The following RAP1A variants were observed in gnomAD, a reference collection of about 807,000 sequenced individuals.
RAP1A encodes ras-related protein Rap-1A.
A neutral mutation model predicts 26.4 loss-of-function variants in RAP1A; 6 were observed. The ratio of observed to expected loss-of-function variants is 0.23; its 90% CI spans 0.12 to 0.45. RAP1A has a LOEUF of 0.45. Among genes scored for constraint, RAP1A ranks in the 20% least tolerant of loss-of-function variants. The pLI is 0.99. For synonymous variants in RAP1A, 73 were observed against 79.4 expected, an observed-to-expected ratio of 0.92 and a Z score of 0.43; for missense variants, 121 against 217.2, an observed-to-expected ratio of 0.56 and a Z score of 2.78.
intron 4 of RAP1A, among the ~76,000 whole-genome samples, chr1:111,701,940 A>G (rs547804312): frequency 1.6e-3 from 248 of 152,346 alleles, no homozygotes; most frequent in Admixed American, 6.9e-3. Flanking sequence ...CAGTTTTTAC[A>G]TCTTTCCCAG....
chr1:111,579,159 C>G (rs1335041443), intron 1 of RAP1A, among the ~76,000 whole-genome samples: 2 of 152,178 alleles, frequency 1.3e-5, no homozygotes, highest in Non-Finnish European at 2.9e-5. Context: ...TTCAGCAACA[C>G]CCTCCCTCCC....
intron 1 of RAP1A, chr1:111,627,699 G>T (rs759998841): frequency 1.3e-5 from 2 of 151,082 alleles, no homozygotes; most frequent in Non-Finnish European, 2.9e-5. Flanking sequence ...GTCCTGAAAT[G>T]AGTTTCTTTA....
In RAP1A at chr1:111,560,923, T is replaced by C. The variant is rs939482903; in HGVS notation, c.-28+18414T>C. Among the ~76,000 whole-genome samples the C allele has an allele frequency of 2.6e-5, 4 of 152,318 alleles. 1 individual carries two copies. The highest frequency in any genetic ancestry group is 6.5e-5 in the Admixed American group (1 of 15,300). On this transcript the variant is annotated intron_variant, in intron 1 of 7. Coordinates refer to the RAP1A transcript ENST00000356415. ...GTAGCCCAATTTGCTCTTCCTCCTG[T>C]AACAACCGCACCAGATCTCTGGCTG...
At chr1:111,686,236 G>A (rs1341781023) in intron 1 of RAP1A, among the ~76,000 whole-genome samples, 2 of 152,008 alleles carry the variant, frequency 1.3e-5, no homozygotes, top group African/African-American at 4.8e-5. Flanking sequence ...AACAAACCAC[G>A]TTCTGCACAT....
Position 111,664,101 on chromosome 1 carries a change from C to T in RAP1A, c.-27-27233C>T, listed in dbSNP as rs566932176. Among the ~76,000 whole-genome samples the T allele has an allele frequency of 1.5e-4, 23 of 152,170 alleles. No individual in the cohort carries two copies. The South Asian group carries it at 4.4e-3, about 29-fold the overall frequency. ...TTTAAAACCATATATGGGCCAGGCACGGTGGCTCACGCCTGTAATCCCAGC... is the reference window on the plus strand; with the variant it reads ...TTTAAAACCATATATGGGCCAGGCATGGTGGCTCACGCCTGTAATCCCAGC... On this transcript the variant is annotated intron_variant, in intron 1 of 7. Coordinates refer to ENST00000369709, the MANE Select transcript of RAP1A (RefSeq NM_002884.4).
chr1:111,619,881 A>AGGAGGAGGAGGTGGAGGAGGT lies in RAP1A; in HGVS notation c.-72_-52dup. ...GCCACGGCCGAGAGGAGGGAGGAGG[A>AGGAGGAGGAGGTGGAGGAGGT]GGAGGAGGAGGTGGAGGAGGTGGAG... On this transcript the variant is annotated 5_prime_UTR_variant, in exon 1 of 8. Transcript: ENST00000369709. 1 of 258,930 alleles carries AGGAGGAGGAGGTGGAGGAGGT rather than the reference A, an allele frequency of 3.9e-6. No homozygotes were observed. Among genetic ancestry groups the AGGAGGAGGAGGTGGAGGAGGT allele is most frequent in the Non-Finnish European group, 7.1e-6 (1 of 140,206 alleles). 16.0% of individuals were successfully genotyped at this position (258,930 alleles called of 1,614,324 possible).
chr1:111,592,576 G>C (rs1299743827), intron 1 of RAP1A, among the ~76,000 whole-genome samples: 1 of 152,140 alleles, frequency 6.6e-6, no homozygotes, highest in Admixed American at 6.5e-5. Flanking sequence ...ACACAGTTTG[G>C]GTGTGGTTGC....
At chr1:111,619,737 C>A (rs544192446), upstream of RAP1A, 3 of 394,150 alleles carry the variant, frequency 7.6e-6, no homozygotes, top group East Asian at 1.1e-4. Context: ...CGGGGCAGAA[C>A]CAGGGGGCGG....
At chr1:111,602,409 GATTAA>G (rs1658691487) in intron 1 of RAP1A, 2 of 152,170 alleles carry the variant, frequency 1.3e-5, no homozygotes, top group African/African-American at 2.4e-5. Flanking sequence ...TGTAATGGAG[GATTAA>G]ATTAAACTAT....
chr1:111,628,867 G>A (rs1659479760), intron 1 of RAP1A, among the ~76,000 whole-genome samples: 1 of 152,016 alleles, frequency 6.6e-6, no homozygotes, highest in African/African-American at 2.4e-5. Flanking sequence ...AAAATTGAAG[G>A]ATAAAACATT....
At chr1:111,580,887 A>G (rs1358115226) in intron 1 of RAP1A, among the ~76,000 whole-genome samples, 1 of 151,346 alleles carries the variant, frequency 6.6e-6, no homozygotes, top group African/African-American at 2.4e-5. Context: ...AACAAAAAAC[A>G]GAATAGACCC....
At chr1:111,593,873 C>T (rs572728101) in intron 1 of RAP1A, among the ~76,000 whole-genome samples, 6 of 151,916 alleles carry the variant, frequency 3.9e-5, no homozygotes, top group East Asian at 3.9e-4. Context: ...AAATGACCTC[C>T]GGGAGAATCT....
intron 4 of RAP1A, among the ~76,000 whole-genome samples, chr1:111,702,514 C>T (rs1489489198): frequency 6.6e-6 from 1 of 151,654 alleles, no homozygotes; most frequent in African/African-American, 2.4e-5. Flanking sequence ...ACTATTCTCA[C>T]ATCTTTTCTA....
intron 1 of RAP1A, among the ~76,000 whole-genome samples, chr1:111,655,937 A>AC (rs1221472012): frequency 6.6e-6 from 1 of 151,696 alleles, no homozygotes; most frequent in Non-Finnish European, 1.5e-5. Flanking sequence ...TGATCCGCCC[A>AC]CCTCGGCCTC....
rs1432516397 is a variant in RAP1A at position 111,648,371 on chromosome 1, C to T, written c.-28+28437C>T. On this transcript the variant is annotated intron_variant, in intron 1 of 7. Transcript: ENST00000369709. ...GTGGATGGTCGTCTTTTGGATGGTTCGCATGGAGTTGCTGCTGTCCAGGGC... is the reference window on the plus strand; with the variant it reads ...GTGGATGGTCGTCTTTTGGATGGTTTGCATGGAGTTGCTGCTGTCCAGGGC... 4.2e-5 allele frequency: 27 copies of T among 643,666 alleles called. 1 individual carries two copies. Among genetic ancestry groups the T allele is most frequent in the Admixed American group, 1.8e-4 (9 of 49,540 alleles). 39.9% of individuals were successfully genotyped at this position (643,666 alleles called of 1,614,324 possible). A position where few individuals can be genotyped will look rare whatever the true frequency, so the allele number is the denominator to read the frequency against.
At chr1:111,639,339 G>A (rs577177583) in intron 1 of RAP1A, among the ~76,000 whole-genome samples, 2 of 151,978 alleles carry the variant, frequency 1.3e-5, no homozygotes, top group Admixed American at 6.5e-5. Context: ...GATTTTTTAA[G>A]AGTCTGGTGT....
At chr1:111,617,614 T>TA (rs775431742), upstream of RAP1A, among the ~76,000 whole-genome samples, 4 of 151,452 alleles carry the variant, frequency 2.6e-5, no homozygotes, top group Non-Finnish European at 5.9e-5. Context: ...TTTTGTATTT[T>TA]TAGTAGAGAT....
At chr1:111,693,941 T>C (rs1471539941) in intron 2 of RAP1A, among the ~76,000 whole-genome samples, 1 of 151,184 alleles carries the variant, frequency 6.6e-6, no homozygotes, top group Non-Finnish European at 1.5e-5. Context: ...TGCCCTGGAG[T>C]GCAGTGGCGT....
At chr1:111,561,424 A>G (rs536782239) in intron 1 of RAP1A, among the ~76,000 whole-genome samples, 45 of 152,294 alleles carry the variant, frequency 3.0e-4, no homozygotes, top group African/African-American at 9.4e-4. Flanking sequence ...GCCCAGCTCC[A>G]ATCATTAATT....
Sources: gnomAD v4.1 joint callset for allele counts (sites outside exome capture counted in the v4.1 genomes callset) on GRCh38, gnomAD v4.1.1 for gene constraint, MANE v1.5 for transcripts, NCBI Gene and HGNC (gene_info 2026-07-23, HGNC 2026-07-21) for gene names.